Variants in BAZ2B observed in about 807,000 individuals in gnomAD.
BAZ2B encodes the protein bromodomain adjacent to zinc finger domain 2B, also known as bromodomain adjacent to zinc finger domain protein 2B.
In BAZ2B, 91 loss-of-function variants were observed where a neutral mutation model predicts 246.0. That is an observed-to-expected ratio of 0.37 (90% CI 0.31 to 0.44). BAZ2B has a LOEUF of 0.44. BAZ2B is among the 20% of genes least tolerant of loss of function. BAZ2B has a pLI of 1.00. For missense variants in BAZ2B, 2,332 were observed against 2,533.7 expected (o/e 0.92, Z 1.71); for synonymous variants, 855 against 860.0 (o/e 0.99, Z 0.10).
intron 1 of BAZ2B, among the ~76,000 whole-genome samples, chr2:159,605,435 T>A (rs761256792): frequency 1.3e-5 from 2 of 152,200 alleles, no homozygotes; most frequent in Non-Finnish European, 2.9e-5. Flanking sequence ...AACATGTATT[T>A]TTACCCATGT....
At chr2:159,684,434 A>C in the BAZ2B span, among the ~76,000 whole-genome samples, 4 of 152,254 alleles carry the variant, frequency 2.6e-5, no homozygotes, top group African/African-American at 9.6e-5. Context: ...ATAAAAACTA[A>C]ATTATTTAGT....
the BAZ2B span, among the ~76,000 whole-genome samples, chr2:159,656,065 T>C: frequency 8.5e-5 from 13 of 152,156 alleles, no homozygotes; most frequent in African/African-American, 1.2e-4. Context: ...CTAAATTCTG[T>C]TGTATTTTCC....
intron 6 of BAZ2B, among the ~76,000 whole-genome samples, chr2:159,442,792 G>A (rs1409730548): frequency 3.3e-5 from 5 of 152,132 alleles, no homozygotes. Context: ...ACTTCACTTT[G>A]TATAATAATG....
At chr2:159,404,016 G>C (rs1460903207) in intron 16 of BAZ2B, among the ~76,000 whole-genome samples, 1 of 152,042 alleles carries the variant, frequency 6.6e-6, no homozygotes, top group Non-Finnish European at 1.5e-5. Flanking sequence ...AGAAACCTTG[G>C]AGATAACCAC....
At chr2:159,699,502 A>T in the BAZ2B span, among the ~76,000 whole-genome samples, 1 of 152,016 alleles carries the variant, frequency 6.6e-6, no homozygotes, top group African/African-American at 2.4e-5. Flanking sequence ...ACACCACTGC[A>T]CTCCAGCCTA....
At chr2:159,397,299 T>A in intron 19 of BAZ2B, 46 bp downstream of exon 19, 2 of 1,398,756 alleles carry the variant, frequency 1.4e-6, no homozygotes, top group Non-Finnish European at 2.0e-6. Context: ...TTAAGCAATA[T>A]TATAAAATGT....
chr2:159,329,443 G>C (rs2064327985), intron 34 of BAZ2B, among the ~76,000 whole-genome samples: 1 of 151,826 alleles, frequency 6.6e-6, no homozygotes, highest in African/African-American at 2.4e-5. Flanking sequence ...CAGATACTGG[G>C]GTATAGCTAT....
intron 25 of BAZ2B, among the ~76,000 whole-genome samples, chr2:159,379,970 T>C (rs925654564): frequency 6.6e-6 from 1 of 151,848 alleles, no homozygotes; most frequent in Admixed American, 6.6e-5. Context: ...ATGTGTCCAT[T>C]TTCATGACTT....
intron 2 of BAZ2B, among the ~76,000 whole-genome samples, chr2:159,491,430 T>G (rs2080443465): frequency 6.6e-6 from 1 of 152,034 alleles, no homozygotes; most frequent in Non-Finnish European, 1.5e-5. Flanking sequence ...GTATTAAAAG[T>G]CTTCTGTTGG....
At chr2:159,496,084 T>TA (rs1410680387) in intron 2 of BAZ2B, among the ~76,000 whole-genome samples, 1 of 147,160 alleles carries the variant, frequency 6.8e-6, no homozygotes, top group Non-Finnish European at 1.5e-5. Context: ...AAATACTTTT[T>TA]AAAAAATTAG....
chr2:159,515,519 T>A (rs2083342906), intron 2 of BAZ2B, among the ~76,000 whole-genome samples: 1 of 152,138 alleles, frequency 6.6e-6, no homozygotes, highest in Non-Finnish European at 1.5e-5. Context: ...TTACTGCAAA[T>A]GTTTTCCTAT....
In BAZ2B at chr2:159,453,606, T is replaced by A. The variant is rs377666345; in HGVS notation, c.334+7A>T. ...TCCCTTGAACACTGTTTGTAACAGA[T>A]GTTTACCTGGAAAAGATGCTAGTTG... On this transcript the variant is annotated splice_region_variant and intron_variant, in intron 4 of 36. Transcript: ENST00000392783. 622 of 1,595,360 alleles carry A rather than the reference T, an allele frequency of 3.9e-4. No individual in the cohort carries two copies. The highest frequency in any genetic ancestry group is 5.2e-4 in the Non-Finnish European group (603 of 1,170,502).
chr2:159,682,975 T>G, the BAZ2B span, among the ~76,000 whole-genome samples: 47,411 of 150,800 alleles, frequency 0.31, 9,410 homozygotes, highest in Admixed American at 0.48. Flanking sequence ...CACCTTTTTT[T>G]TTTCTTTTTA....
At chr2:159,603,885 A>G (rs1692770542) in intron 1 of BAZ2B, among the ~76,000 whole-genome samples, 1 of 152,208 alleles carries the variant, frequency 6.6e-6, no homozygotes, top group Admixed American at 6.5e-5. Flanking sequence ...GAATAGGTTC[A>G]TGACACTAAC....
chr2:159,676,520 A>G, the BAZ2B span, among the ~76,000 whole-genome samples: 1 of 152,128 alleles, frequency 6.6e-6, no homozygotes, highest in Non-Finnish European at 1.5e-5. Context: ...AATTAAAAAT[A>G]TGTAGTCATT....
downstream of BAZ2B, among the ~76,000 whole-genome samples, chr2:159,316,619 G>A (rs1365334197): frequency 6.8e-6 from 1 of 146,588 alleles, no homozygotes; most frequent in Admixed American, 7.0e-5. Flanking sequence ...GAACCCAGGA[G>A]GCGGAGCTTG....
At chr2:159,587,075 C>T (rs538810525) in intron 1 of BAZ2B, among the ~76,000 whole-genome samples, 1 of 151,842 alleles carries the variant, frequency 6.6e-6, no homozygotes, top group East Asian at 1.9e-4. Context: ...ATCCTATCAC[C>T]TGCAACTTTT....
At chr2:159,347,143 C>G (rs973521876) in intron 31 of BAZ2B, among the ~76,000 whole-genome samples, 2 of 152,170 alleles carry the variant, frequency 1.3e-5, no homozygotes, top group Admixed American at 1.3e-4. Context: ...TCACATTCAT[C>G]TCAGTGAAAC....
chr2:159,495,218 G>C (rs1008811346), intron 2 of BAZ2B, among the ~76,000 whole-genome samples: 1 of 152,010 alleles, frequency 6.6e-6, no homozygotes, highest in East Asian at 1.9e-4. Context: ...GGGCGCGGTG[G>C]CTCACGCCTG....
Sources: allele counts gnomAD v4.1 joint callset (sites outside exome capture counted in the v4.1 genomes callset), GRCh38; gene constraint gnomAD v4.1.1; transcripts MANE v1.5; gene names NCBI Gene and HGNC (gene_info 2026-07-23, HGNC 2026-07-21).